Variants in TAL2 observed in about 807,000 individuals in gnomAD.
TAL2 encodes T-cell acute lymphocytic leukemia protein 2.
For synonymous variants in TAL2, 48 were observed against 52.4 expected (o/e 0.92, Z 0.36); for missense variants, 114 against 129.6 (o/e 0.88, Z 0.58).
In TAL2 at chr9:105,662,927, G is replaced by C. The variant is rs1211290622; in HGVS notation, c.*104G>C. On this transcript the variant is annotated 3_prime_UTR_variant, in exon 1 of 1. Transcript: ENST00000334077. Reference sequence around the variant, plus strand: ...AGTTGACCTGATGATAACTCGTGAAGCATGAATTCTAGCTTCCTGGGAGGT... The same window carrying C: ...AGTTGACCTGATGATAACTCGTGAACCATGAATTCTAGCTTCCTGGGAGGT... The C allele has an allele frequency of 8.7e-6, 8 of 922,340 alleles. No homozygotes were observed. 57.1% of individuals were successfully genotyped at this position (922,340 alleles called of 1,614,324 possible). A position where few individuals can be genotyped will look rare whatever the true frequency, so the allele number is the denominator to read the frequency against.
rs772918180 is a variant in TAL2 at position 105,662,643 on chromosome 9, G to A, written c.147G>A (p.Arg49=). Residue 49 remains arginine, a synonymous_variant, in exon 1 of 1, where the codon AGG becomes AGA. Coordinates refer to ENST00000334077, the MANE Select transcript of TAL2 (RefSeq NM_005421.3). ...ATGAAACGCTTCGCCTGGCAATGAG[G>A]TATATCAACTTCTTGGTCAAGGTCT... The part of the protein sequence containing the change: ...SKNETLRLAM[R]YINFLVKVLG... The A allele has an allele frequency of 6.2e-7, 1 of 1,614,008 alleles. No homozygotes were observed. The highest frequency in any genetic ancestry group is 8.5e-7 in the Non-Finnish European group (1 of 1,179,972).
chr9:105,663,098 TAAA>T lies in TAL2; in HGVS notation c.*276_*278del, dbSNP rs1321831155. The T allele has an allele frequency of 4.4e-5, 14 of 321,332 alleles. No individual in the cohort carries two copies. The highest frequency in any genetic ancestry group is 2.6e-4 in the African/African-American group (11 of 41,628). 19.9% of individuals were successfully genotyped at this position (321,332 alleles called of 1,614,324 possible). ...CATAAGACTTTTGGAGAAAAAATTC[TAAA>T]TAAAAAAAAAAAAAGGCTGAAAATC... is the stretch of plus-strand genomic sequence containing the variant. On this transcript the variant is annotated 3_prime_UTR_variant, in exon 1 of 1. Transcript: ENST00000334077.
chr9:105,663,076 A>G lies in TAL2; in HGVS notation c.*253A>G. On this transcript the variant is annotated 3_prime_UTR_variant, in exon 1 of 1. Transcript: ENST00000334077. ...CCTATTTTAAATCCAGGTTCTGCATAAGACTTTTGGAGAAAAAATTCTAAA... is the reference window on the plus strand; with the variant it reads ...CCTATTTTAAATCCAGGTTCTGCATGAGACTTTTGGAGAAAAAATTCTAAA... The G allele has an allele frequency of 2.6e-6, 1 of 378,728 alleles. No homozygotes were observed. 23.5% of individuals were successfully genotyped at this position (378,728 alleles called of 1,614,324 possible). A position where few individuals can be genotyped will look rare whatever the true frequency, so the allele number is the denominator to read the frequency against.
Position 105,662,831 on chromosome 9 carries a change from C to T in TAL2, c.*8C>T. 6.7e-7 allele frequency: 1 copy of T among 1,488,186 alleles called. No individual in the cohort carries two copies. 92.2% of individuals were successfully genotyped at this position (1,488,186 alleles called of 1,614,324 possible). A position where few individuals can be genotyped will look rare whatever the true frequency, so the allele number is the denominator to read the frequency against. On this transcript the variant is annotated 3_prime_UTR_variant, in exon 1 of 1. Transcript: ENST00000334077. ...AGCCACCACATTCCTTAGTGTGGCT[C>T]TGGCTGTCATCTCCCAGGGCAGCAC... is the stretch of plus-strand genomic sequence containing the variant.
chr9:105,662,637 A>C lies in TAL2; in HGVS notation c.141A>C (p.Ala47=), dbSNP rs769276879. ...GCAAAAATGAAACGCTTCGCCTGGCAATGAGGTATATCAACTTCTTGGTCA... is the reference window on the plus strand; with the variant it reads ...GCAAAAATGAAACGCTTCGCCTGGCCATGAGGTATATCAACTTCTTGGTCA... The part of the protein sequence containing the change: ...KLSKNETLRL[A]MRYINFLVKV... The change falls in exon 1 of 1, where the codon GCA becomes GCC. Residue 47 remains alanine (A), a synonymous_variant. Coordinates refer to ENST00000334077, the MANE Select transcript of TAL2 (RefSeq NM_005421.3). The C allele has an allele frequency of 3.1e-6, 5 of 1,614,090 alleles. No individual in the cohort carries two copies. Among genetic ancestry groups the C allele is most frequent in the Non-Finnish European group, 4.2e-6 (5 of 1,180,008 alleles).
rs762534217 is a variant in TAL2 at position 105,662,556 on chromosome 9, C to A, written c.60C>A (p.Ser20Arg). ...GGTGGAGGCAGCAGAATGTCAACAG[C>A]GCCTTTGCCAAGCTGAGGAAGCTCA... Reference protein sequence around the residue: ...RERWRQQNVNSAFAKLRKLIP... With the variant: ...RERWRQQNVNRAFAKLRKLIP... The change falls in exon 1 of 1, where the codon AGC becomes AGA. Residue 20 changes from serine (S) to arginine (R), a missense_variant. Ser to Arg is a moderately radical substitution (Grantham distance 110). Coordinates refer to ENST00000334077, the MANE Select transcript of TAL2 (RefSeq NM_005421.3). The A allele has an allele frequency of 6.2e-7, 1 of 1,613,796 alleles. No individual in the cohort carries two copies. The highest frequency in any genetic ancestry group is 8.5e-7 in the Non-Finnish European group (1 of 1,179,904).
rs541033766 is a variant in TAL2 at position 105,663,106 on chromosome 9, A to T, written c.*283A>T. 9.3e-6 allele frequency: 3 copies of T among 324,004 alleles called. No homozygotes were observed. The highest frequency in any genetic ancestry group is 9.8e-5 in the East Asian group (2 of 20,390). The allele number at this position is 324,004 out of a possible 1,614,324, so 20.1% of individuals were successfully genotyped here. A position where few individuals can be genotyped will look rare whatever the true frequency, so the allele number is the denominator to read the frequency against. ...TTTTGGAGAAAAAATTCTAAATAAA[A>T]AAAAAAAAAGGCTGAAAATCACTGT... On this transcript the variant is annotated 3_prime_UTR_variant, in exon 1 of 1. Transcript: ENST00000334077.
chr9:105,662,828 G>C lies in TAL2; in HGVS notation c.*5G>C. 9.4e-6 allele frequency: 14 copies of C among 1,488,010 alleles called. No homozygotes were observed. Among genetic ancestry groups the C allele is most frequent in the Non-Finnish European group, 1.2e-5 (14 of 1,120,218 alleles). The allele number at this position is 1,488,010 out of a possible 1,614,324, so 92.2% of individuals were successfully genotyped here. On this transcript the variant is annotated 3_prime_UTR_variant, in exon 1 of 1. Transcript: ENST00000334077. ...CCAAGCCACCACATTCCTTAGTGTG[G>C]CTCTGGCTGTCATCTCCCAGGGCAG...
chr9:105,662,652 C>T lies in TAL2; in HGVS notation c.156C>T (p.Asn52=). The T allele has an allele frequency of 3.1e-6, 5 of 1,613,992 alleles. No homozygotes were observed. The highest frequency in any genetic ancestry group is 4.2e-6 in the Non-Finnish European group (5 of 1,179,964). ...ETLRLAMRYI[N]FLVKVLGEQS... ...TTCGCCTGGCAATGAGGTATATCAA[C>T]TTCTTGGTCAAGGTCTTGGGGGAGC... Residue 52 remains asparagine, a synonymous_variant, in exon 1 of 1, where the codon AAC becomes AAT. Coordinates refer to ENST00000334077, the MANE Select transcript of TAL2 (RefSeq NM_005421.3).
In TAL2 at chr9:105,663,072, G is replaced by A; in HGVS notation, c.*249G>A. 1 of 375,062 alleles carries A rather than the reference G, an allele frequency of 2.7e-6. No individual in the cohort carries two copies. Among genetic ancestry groups the A allele is most frequent in the Non-Finnish European group, 4.9e-6 (1 of 203,698 alleles). 23.2% of individuals were successfully genotyped at this position (375,062 alleles called of 1,614,324 possible). ...TCTGCCTATTTTAAATCCAGGTTCT[G>A]CATAAGACTTTTGGAGAAAAAATTC... On this transcript the variant is annotated 3_prime_UTR_variant, in exon 1 of 1. Coordinates refer to ENST00000334077, the MANE Select transcript of TAL2 (RefSeq NM_005421.3).
chr9:105,662,670 G>T lies in TAL2; in HGVS notation c.174G>T (p.Leu58Phe), dbSNP rs774405803. 1 of 1,613,734 alleles carries T rather than the reference G, an allele frequency of 6.2e-7. No homozygotes were observed. The highest frequency in any genetic ancestry group is 1.7e-5 in the Admixed American group (1 of 59,960). The change falls in exon 1 of 1, where the codon TTG (leucine) becomes TTT (phenylalanine). Residue 58 changes from leucine to phenylalanine, a missense_variant. By Grantham distance (22) the Leu-to-Phe change is conservative (BLOSUM62 0). Transcript: ENST00000334077. ...ATATCAACTTCTTGGTCAAGGTCTT[G>T]GGGGAGCAAAGCCTGCAACAAACGG... ...MRYINFLVKVLGEQSLQQTGV... is the reference protein window; with the variant it reads ...MRYINFLVKVFGEQSLQQTGV...
At position 105,662,955 on chromosome 9, in the gene TAL2, C is replaced by A; in HGVS notation, c.*132C>A. The A allele has an allele frequency of 1.4e-6, 1 of 710,866 alleles. No homozygotes were observed. Among genetic ancestry groups the A allele is most frequent in the Non-Finnish European group, 2.0e-6 (1 of 492,666 alleles). 44.0% of individuals were successfully genotyped at this position (710,866 alleles called of 1,614,324 possible). A position where few individuals can be genotyped will look rare whatever the true frequency, so the allele number is the denominator to read the frequency against. On this transcript the variant is annotated 3_prime_UTR_variant, in exon 1 of 1. Transcript: ENST00000334077. ...TGAATTCTAGCTTCCTGGGAGGTGG[C>A]TCAGAGACAGCTGCAGGGAGCTGAA...
Position 105,662,574 on chromosome 9 carries a change from G to A in TAL2, c.78G>A (p.Arg26=), listed in dbSNP as rs375524646. Residue 26 remains arginine, a synonymous_variant, in exon 1 of 1, where the codon AGG becomes AGA. Transcript: ENST00000334077. The part of the protein sequence containing the change: ...QNVNSAFAKL[R]KLIPTHPPDK... The stretch of plus-strand genomic sequence containing the variant: ...TCAACAGCGCCTTTGCCAAGCTGAG[G>A]AAGCTCATCCCCACTCACCCTCCAG... 7 of 1,613,896 alleles carry A rather than the reference G, an allele frequency of 4.3e-6. No homozygotes were observed. Among genetic ancestry groups the A allele is most frequent in the Non-Finnish European group, 4.2e-6 (5 of 1,179,998 alleles).
Position 105,662,933 on chromosome 9 carries a change from A to G in TAL2, c.*110A>G. On this transcript the variant is annotated 3_prime_UTR_variant, in exon 1 of 1. Transcript: ENST00000334077. ...CCTGATGATAACTCGTGAAGCATGA[A>G]TTCTAGCTTCCTGGGAGGTGGCTCA... 1.1e-6 allele frequency: 1 copy of G among 880,646 alleles called. No individual in the cohort carries two copies. The highest frequency in any genetic ancestry group is 1.6e-6 in the Non-Finnish European group (1 of 644,638). 54.6% of individuals were successfully genotyped at this position (880,646 alleles called of 1,614,324 possible).
In TAL2 at chr9:105,662,652, C is replaced by A. The variant is rs899621165; in HGVS notation, c.156C>A (p.Asn52Lys). ...TTCGCCTGGCAATGAGGTATATCAA[C>A]TTCTTGGTCAAGGTCTTGGGGGAGC... ...ETLRLAMRYINFLVKVLGEQS... is the reference protein window; with the variant it reads ...ETLRLAMRYIKFLVKVLGEQS... The change falls in exon 1 of 1, where the codon AAC becomes AAA. Residue 52 changes from asparagine to lysine, a missense_variant. By Grantham distance (94) the Asn-to-Lys change is moderately conservative. Coordinates refer to ENST00000334077, the MANE Select transcript of TAL2 (RefSeq NM_005421.3). 3.1e-6 allele frequency: 5 copies of A among 1,613,874 alleles called. No individual in the cohort carries two copies. Among genetic ancestry groups the A allele is most frequent in the South Asian group, 1.1e-5 (1 of 90,998 alleles).
In TAL2 at chr9:105,663,020, C is replaced by A; in HGVS notation, c.*197C>A. On this transcript the variant is annotated 3_prime_UTR_variant, in exon 1 of 1. Coordinates refer to ENST00000334077, the MANE Select transcript of TAL2 (RefSeq NM_005421.3). Reference sequence around the variant, plus strand: ...ATGTCACTTGTGGGCCGCCACCCCCCAGGGATGTCAGGTAGAGCGGCCTAC... The same window carrying A: ...ATGTCACTTGTGGGCCGCCACCCCCAAGGGATGTCAGGTAGAGCGGCCTAC... 2.4e-6 allele frequency: 1 copy of A among 423,466 alleles called. No homozygotes were observed. The allele number at this position is 423,466 out of a possible 1,614,324, so 26.2% of individuals were successfully genotyped here. A position where few individuals can be genotyped will look rare whatever the true frequency, so the allele number is the denominator to read the frequency against.
chr9:105,663,102 TAAAA>T lies in TAL2; in HGVS notation c.*289_*292del. 2 of 267,152 alleles carry T rather than the reference TAAAA, an allele frequency of 7.5e-6. No individual in the cohort carries two copies. Among genetic ancestry groups the T allele is most frequent in the Non-Finnish European group, 7.0e-6 (1 of 142,524 alleles). The allele number at this position is 267,152 out of a possible 1,614,324, so 16.5% of individuals were successfully genotyped here. A position where few individuals can be genotyped will look rare whatever the true frequency, so the allele number is the denominator to read the frequency against. ...AGACTTTTGGAGAAAAAATTCTAAA[TAAAA>T]AAAAAAAAAGGCTGAAAATCACTGT... On this transcript the variant is annotated 3_prime_UTR_variant, in exon 1 of 1. Transcript: ENST00000334077.
In TAL2 at chr9:105,662,554, A is replaced by T; in HGVS notation, c.58A>T (p.Ser20Cys). The T allele has an allele frequency of 1.9e-6, 3 of 1,613,922 alleles. No homozygotes were observed. Among genetic ancestry groups the T allele is most frequent in the Non-Finnish European group, 2.5e-6 (3 of 1,179,960 alleles). Residue 20 changes from serine to cysteine, a missense_variant, in exon 1 of 1, where the codon AGC (serine) becomes TGC (cysteine). Coordinates refer to ENST00000334077, the MANE Select transcript of TAL2 (RefSeq NM_005421.3). ...GCGGTGGAGGCAGCAGAATGTCAACAGCGCCTTTGCCAAGCTGAGGAAGCT... is the reference window on the plus strand; with the variant it reads ...GCGGTGGAGGCAGCAGAATGTCAACTGCGCCTTTGCCAAGCTGAGGAAGCT... ...RERWRQQNVNSAFAKLRKLIP... is the reference protein window; with the variant it reads ...RERWRQQNVNCAFAKLRKLIP...
Position 105,662,457 on chromosome 9 carries a change from C to T in TAL2, c.-40C>T. On this transcript the variant is annotated 5_prime_UTR_variant, in exon 1 of 1. Transcript: ENST00000334077. Reference sequence around the variant, plus strand: ...AATCAGGCCTCTTATAAGATATTGGCCCTGAGGGCCCTTTCTCTTTCCATC... The same window carrying T: ...AATCAGGCCTCTTATAAGATATTGGTCCTGAGGGCCCTTTCTCTTTCCATC... The T allele has an allele frequency of 6.6e-7, 1 of 1,526,382 alleles. No homozygotes were observed. The highest frequency in any genetic ancestry group is 2.3e-5 in the East Asian group (1 of 44,174). The allele number at this position is 1,526,382 out of a possible 1,614,324, so 94.6% of individuals were successfully genotyped here.
Sources: allele counts gnomAD v4.1 joint callset, GRCh38; gene constraint gnomAD v4.1.1; transcripts MANE v1.5; gene names NCBI Gene and HGNC (gene_info 2026-07-23, HGNC 2026-07-21).